Variants in NAA20 observed in about 807,000 individuals in gnomAD.
The protein encoded by NAA20 is N-alpha-acetyltransferase 20.
NAA20 carries 24 observed loss-of-function variants against 23.8 expected under a neutral mutation model. The observed-to-expected ratio is 1.01, with a 90% confidence interval of 0.73 to 1.42. The LOEUF (loss-of-function observed/expected upper bound fraction) is 1.42. Ranked by LOEUF, NAA20 falls within the 40% of genes most tolerant of loss-of-function variation. The pLI, the probability that NAA20 is intolerant of heterozygous loss-of-function variation, is 0.00. For synonymous variants in NAA20, 83 were observed against 77.7 expected (o/e 1.07, Z -0.36); for missense variants, 166 against 223.1 (o/e 0.74, Z 1.63).
At chr20:20,026,995 C>T in intron 4 of NAA20, 76 bp downstream of exon 4, 1 of 1,573,196 alleles carries the variant, frequency 6.4e-7, no homozygotes, top group Non-Finnish European at 8.7e-7. Flanking sequence ...GGCTGAATAA[C>T]TGTCATGCTT....
chr20:20,032,070 G>A (rs892678248), intron 4 of NAA20, among the ~76,000 whole-genome samples: 2 of 152,048 alleles, frequency 1.3e-5, no homozygotes, highest in Non-Finnish European at 2.9e-5. Context: ...AGCCAGAAAC[G>A]TATCAACAGG....
intron 1 of NAA20, 159 bp downstream of exon 1, chr20:20,017,608 G>C: frequency 1.5e-6 from 2 of 1,298,782 alleles, no homozygotes; most frequent in Non-Finnish European, 2.0e-6. Context: ...CCTCCCTGGG[G>C]CCACAGGGTC....
chr20:20,017,391 G>A lies in NAA20; in HGVS notation c.-6G>A, dbSNP rs1334354008. 1.9e-6 allele frequency: 3 copies of A among 1,611,362 alleles called. No homozygotes were observed. Among genetic ancestry groups the A allele is most frequent in the Non-Finnish European group, 2.5e-6 (3 of 1,179,328 alleles). ...GCGAACGGTCTTCGGAAGCGGCGGC[G>A]GCGCGATGACCACGCTACGGGCCTT... On this transcript the variant is annotated 5_prime_UTR_variant, in exon 1 of 6. Coordinates refer to ENST00000334982, the MANE Select transcript of NAA20 (RefSeq NM_016100.5).
chr20:20,027,920 C>T (rs1357254336), intron 4 of NAA20, among the ~76,000 whole-genome samples: 1 of 152,144 alleles, frequency 6.6e-6, no homozygotes, highest in Non-Finnish European at 1.5e-5. Flanking sequence ...TCTTTCTCCA[C>T]TGTAATTTCC....
chr20:20,022,404 ACTGGT>A, intron 1 of NAA20, 47 bp from the exon 2 acceptor site: 1 of 1,538,616 alleles, frequency 6.5e-7, no homozygotes, highest in Non-Finnish European at 8.8e-7. Context: ...GCTTATTTCA[ACTGGT>A]TATTGTAAAC....
intron 1 of NAA20, among the ~76,000 whole-genome samples, chr20:20,021,044 G>GT (rs2043264293): frequency 1.4e-5 from 2 of 140,748 alleles, no homozygotes; most frequent in South Asian, 2.6e-4. Context: ...TGGGCGGGGG[G>GT]GGGGGGGGAC....
intron 4 of NAA20, among the ~76,000 whole-genome samples, chr20:20,032,051 T>C (rs2043347269): frequency 6.7e-6 from 1 of 148,810 alleles, no homozygotes; most frequent in Non-Finnish European, 1.5e-5. Flanking sequence ...GCATCGTTTG[T>C]ATAGTAAAAG....
chr20:20,017,721 C>G (rs905760086), intron 1 of NAA20: 1 of 1,430,044 alleles, frequency 7.0e-7, no homozygotes, highest in African/African-American at 1.4e-5. Context: ...GGTTCTGGGG[C>G]AGCGCTCGGG....
chr20:20,030,276 C>T (rs2043334056), intron 4 of NAA20, among the ~76,000 whole-genome samples: 1 of 152,152 alleles, frequency 6.6e-6, no homozygotes, highest in Admixed American at 6.5e-5. Context: ...TAGGATGACA[C>T]ATCAGGAACA....
intron 1 of NAA20, among the ~76,000 whole-genome samples, chr20:20,020,741 C>T (rs746853407): frequency 3.6e-4 from 55 of 152,102 alleles, no homozygotes; most frequent in Non-Finnish European, 1.2e-4. Flanking sequence ...TAAAGGAGAC[C>T]GTGTGGCTCA....
chr20:20,029,186 G>T (rs1003846076), intron 4 of NAA20, among the ~76,000 whole-genome samples: 4 of 152,096 alleles, frequency 2.6e-5, no homozygotes, highest in Non-Finnish European at 4.4e-5. Flanking sequence ...AATACAGAAA[G>T]ATTGAAAGTA....
At chr20:20,024,677 C>T (rs567657547) in intron 2 of NAA20, among the ~76,000 whole-genome samples, 29 of 152,102 alleles carry the variant, frequency 1.9e-4, no homozygotes, top group South Asian at 6.2e-4. Context: ...TCCTAGAGGT[C>T]GATGGGAGGG....
At chr20:20,017,562 C>A in intron 1 of NAA20, 113 bp downstream of exon 1, 1 of 1,393,568 alleles carries the variant, frequency 7.2e-7, no homozygotes, top group Non-Finnish European at 9.5e-7. Context: ...CGGACGGGGA[C>A]CCGCGAGAAC....
chr20:20,033,064 T>G, intron 5 of NAA20, 38 bp from the exon 6 acceptor site: 1 of 1,457,816 alleles, frequency 6.9e-7, no homozygotes, highest in Non-Finnish European at 9.6e-7. Flanking sequence ...ATATAATACA[T>G]TTTTTGGGTG....
intron 1 of NAA20, among the ~76,000 whole-genome samples, chr20:20,021,647 T>G (rs572605609): frequency 6.6e-6 from 1 of 152,180 alleles, no homozygotes; most frequent in Non-Finnish European, 1.5e-5. Flanking sequence ...GTAAAGGAGT[T>G]CTGAAACCAA....
At chr20:20,023,991 G>T (rs2043289803) in intron 2 of NAA20, among the ~76,000 whole-genome samples, 1 of 152,150 alleles carries the variant, frequency 6.6e-6, no homozygotes, top group Admixed American at 6.5e-5. Context: ...GCCAAATCTG[G>T]CCCACTGCCT....
Position 20,025,747 on chromosome 20 carries a change from G to T in NAA20, c.149G>T (p.Gly50Val). The change falls in exon 3 of 6, where the codon GGT (glycine) becomes GTT (valine). Residue 50 changes from glycine (G) to valine (V), a missense_variant. Gly to Val is a moderately radical substitution (Grantham distance 109, BLOSUM62 -3). Coordinates refer to ENST00000334982, the MANE Select transcript of NAA20 (RefSeq NM_016100.5). ...TATTTCATTGTTGCAGAGGCACCTG[G>T]TGGAGAATTAATGGGTTATAGTAAG... ...PEYFIVAEAP[G>V]GELMGYIMGK... 8 of 1,607,590 alleles carry T rather than the reference G, an allele frequency of 5.0e-6. No homozygotes were observed. Among genetic ancestry groups the T allele is most frequent in the Non-Finnish European group, 6.8e-6 (8 of 1,174,108 alleles).
intron 3 of NAA20, 100 bp downstream of exon 3, chr20:20,025,867 T>A (rs2043303192): frequency 1.2e-6 from 1 of 843,742 alleles, no homozygotes. Context: ...TAATGATGCT[T>A]GTAATTTTAT....
intron 5 of NAA20, 121 bp downstream of exon 5, chr20:20,032,774 C>CTCAACCTACCTTTA (rs1400324196): frequency 7.9e-7 from 1 of 1,261,974 alleles, no homozygotes; most frequent in East Asian, 2.6e-5. Context: ...TTAAATTTCC[C>CTCAACCTACCTTTA]TCAACCTACC....
Sources: gnomAD v4.1 joint callset for allele counts (sites outside exome capture counted in the v4.1 genomes callset) on GRCh38, gnomAD v4.1.1 for gene constraint, MANE v1.5 for transcripts, NCBI Gene and HGNC (gene_info 2026-07-23, HGNC 2026-07-21) for gene names.